Variants in CARD10 observed in about 807,000 individuals in gnomAD.
CARD10 encodes the protein caspase recruitment domain family member 10, also known as caspase recruitment domain-containing protein 10.
In CARD10, 49 loss-of-function variants were observed where a neutral mutation model predicts 114.6. The ratio of observed to expected loss-of-function variants is 0.43; its 90% confidence interval spans 0.34 to 0.54. The LOEUF is 0.54. Ranked by LOEUF, CARD10 falls within the 20% of genes least tolerant of loss-of-function variation. The pLI, the probability that CARD10 is intolerant of heterozygous loss-of-function variation, is 0.03. For missense variants in CARD10, 1,206 were observed against 1,397.2 expected (o/e 0.86, Z 2.18); for synonymous variants, 602 against 593.2 (o/e 1.01, Z -0.21).
chr22:37,491,157 C>G lies in CARD10; in HGVS notation c.*2G>C. 1 of 1,551,670 alleles carries G rather than the reference C, an allele frequency of 6.4e-7. No homozygotes were observed. The highest frequency in any genetic ancestry group is 8.7e-7 in the Non-Finnish European group (1 of 1,148,158). The stretch of plus-strand genomic sequence containing the variant: ...GGAGAAGGTGCAGGTATCAGATGAG[C>G]CTCAGGCCTCACTGCTGCTGGGGCA... On this transcript the variant is annotated 3_prime_UTR_variant, in exon 20 of 20. Transcript: ENST00000251973.
At chr22:37,512,610 G>A (rs2145774106) in intron 3 of CARD10, among the ~76,000 whole-genome samples, 1 of 151,696 alleles carries the variant, frequency 6.6e-6, no homozygotes, top group Non-Finnish European at 1.5e-5. Context: ...CATGACTCCC[G>A]CATTCCTTTC....
rs1194513636 is a variant in CARD10 at position 37,519,237 on chromosome 22, G to C, written c.-37C>G. 10 of 1,473,650 alleles carry C rather than the reference G, an allele frequency of 6.8e-6. No homozygotes were observed. The highest frequency in any genetic ancestry group is 2.2e-5 in the Admixed American group (1 of 45,814). The allele number at this position is 1,473,650 out of a possible 1,614,324, so 91.3% of individuals were successfully genotyped here. On this transcript the variant is annotated 5_prime_UTR_variant, in exon 1 of 20. Transcript: ENST00000251973. The surrounding 1 kb of genome is among the most constrained non-coding windows in gnomAD (Gnocchi z 4.1). ...CAGGGTCTGCGGGCAAGAGGCGCAC[G>C]GGGGTCGACCAGGGCTCCCTAGGGC...
Position 37,491,057 on chromosome 22 carries a change from A to G in CARD10, c.*102T>C. On this transcript the variant is annotated 3_prime_UTR_variant, in exon 20 of 20. Coordinates refer to ENST00000251973, the MANE Select transcript of CARD10 (RefSeq NM_014550.4). ...CAGAGCCAAGGGCCCTGCATCTGAG[A>G]GTCCAAGGGTCTAGGAAGGCTCAGG... The G allele has an allele frequency of 1.1e-6, 1 of 913,738 alleles. No homozygotes were observed. The highest frequency in any genetic ancestry group is 1.7e-6 in the Non-Finnish European group (1 of 601,620). 56.6% of individuals were successfully genotyped at this position (913,738 alleles called of 1,614,324 possible).
At chr22:37,511,541 A>G (rs569873589) in intron 3 of CARD10, among the ~76,000 whole-genome samples, 4 of 103,452 alleles carry the variant, frequency 3.9e-5, no homozygotes, top group Admixed American at 8.9e-5. Context: ...AAAGAAGGAG[A>G]AAAAAAAAAA....
chr22:37,505,637 C>CAA (rs1053786440), intron 7 of CARD10, among the ~76,000 whole-genome samples: 3,038 of 109,672 alleles, frequency 0.028, 48 homozygotes, highest in Non-Finnish European at 0.04. Context: ...GATTCTGTCT[C>CAA]AAAAAAAAAA....
Position 37,497,174 on chromosome 22 carries a change from G to A in CARD10, c.1792C>T (p.Leu598=), listed in dbSNP as rs781331195. 1 of 1,612,352 alleles carries A rather than the reference G, an allele frequency of 6.2e-7. No homozygotes were observed. The highest frequency in any genetic ancestry group is 1.1e-5 in the South Asian group (1 of 90,904). ...GCGLDFLNRS[L]AIRVSGRSPP... is the part of the protein sequence containing the mutation. ...CTCCGGCCAGACACCCGAATAGCCA[G>A]AGACCTGAGAAGGGAGAAAGGAGAT... The change falls in exon 12 of 20, where the codon CTG becomes TTG. Residue 598 remains leucine, a synonymous_variant. Transcript: ENST00000251973.
Position 37,519,035 on chromosome 22 carries a change from C to G in CARD10, c.166G>C (p.Val56Leu). 6.3e-7 allele frequency: 1 copy of G among 1,595,656 alleles called. No individual in the cohort carries two copies. Among genetic ancestry groups the G allele is most frequent in the Non-Finnish European group, 8.5e-7 (1 of 1,177,362 alleles). ...KLTPYLRQCRVIDEQDEEEVL... is the reference protein window; with the variant it reads ...KLTPYLRQCRLIDEQDEEEVL... ...TCCTCCTCGTCCTGCTCGTCGATGA[C>G]CCGGCACTGGCGCAGATACGGCGTG... is the stretch of plus-strand genomic sequence containing the variant. The change falls in exon 1 of 20, where the codon GTC becomes CTC. Residue 56 changes from valine to leucine, a missense_variant. Transcript: ENST00000251973. This position sits in a 1 kb window ranked among gnomAD's most constrained non-coding sequence, Gnocchi z 4.1.
At position 37,518,955 on chromosome 22, in the gene CARD10, C is replaced by T; in HGVS notation, c.235+11G>A. 2.0e-6 allele frequency: 3 copies of T among 1,519,024 alleles called. No homozygotes were observed. The highest frequency in any genetic ancestry group is 2.6e-6 in the Non-Finnish European group (3 of 1,133,428). 94.1% of individuals were successfully genotyped at this position (1,519,024 alleles called of 1,614,324 possible). A position where few individuals can be genotyped will look rare whatever the true frequency, so the allele number is the denominator to read the frequency against. On this transcript the variant is annotated intron_variant, in intron 1 of 19. Coordinates refer to ENST00000251973, the MANE Select transcript of CARD10 (RefSeq NM_014550.4). ...GCCCAGGTCGTGGCCCACTCGGGAC[C>T]CGCGGCTCACCGGTGCGGTTGACGC...
chr22:37,496,961 G>A lies in CARD10; in HGVS notation c.1947+58C>T, dbSNP rs1455750694. 1.3e-6 allele frequency: 2 copies of A among 1,516,280 alleles called. No individual in the cohort carries two copies. The highest frequency in any genetic ancestry group is 1.3e-5 in the South Asian group (1 of 76,070). The allele number at this position is 1,516,280 out of a possible 1,614,324, so 93.9% of individuals were successfully genotyped here. On this transcript the variant is annotated intron_variant, in intron 12 of 19. Coordinates refer to ENST00000251973, the MANE Select transcript of CARD10 (RefSeq NM_014550.4). The surrounding 1 kb of genome is among the most constrained non-coding windows in gnomAD (Gnocchi z 4.1). Reference sequence around the variant, plus strand: ...ATCTTGATCCACCAAATTAAGGGATGTCCAGCCTGGGCAAAAGCACTGACC... The same window carrying A: ...ATCTTGATCCACCAAATTAAGGGATATCCAGCCTGGGCAAAAGCACTGACC...
At position 37,504,305 on chromosome 22, in the gene CARD10, C is replaced by A. The variant is rs1273083128; in HGVS notation, c.1519-4G>T. 1.3e-6 allele frequency: 2 copies of A among 1,518,506 alleles called. No individual in the cohort carries two copies. The highest frequency in any genetic ancestry group is 2.5e-5 in the South Asian group (2 of 79,280). The allele number at this position is 1,518,506 out of a possible 1,614,324, so 94.1% of individuals were successfully genotyped here. A position where few individuals can be genotyped will look rare whatever the true frequency, so the allele number is the denominator to read the frequency against. ...TTTCACTGTCTGTGGCTTCCTCCTG[C>A]AATGCCATGACAGGGCCTGGGTCAC... On this transcript the variant is annotated splice_polypyrimidine_tract_variant and splice_region_variant and intron_variant, in intron 8 of 19. Transcript: ENST00000251973.
intron 1 of CARD10, 51 bp downstream of exon 1, chr22:37,518,915 C>T: frequency 6.8e-7 from 1 of 1,474,784 alleles, no homozygotes; most frequent in East Asian, 2.6e-5. Flanking sequence ...GGCGCTGCGC[C>T]CCAGGGCACG....
At chr22:37,511,270 T>C (rs533529910) in intron 3 of CARD10, among the ~76,000 whole-genome samples, 31 of 141,390 alleles carry the variant, frequency 2.2e-4, no homozygotes, top group African/African-American at 8.0e-4. Context: ...AGCGGGAGAA[T>C]CACTTGAGCT....
chr22:37,503,993 T>C (rs374814110), intron 9 of CARD10, 193 bp downstream of exon 9: 1 of 711,832 alleles, frequency 1.4e-6, no homozygotes, highest in Non-Finnish European at 2.6e-6. Context: ...CCCATCGGCC[T>C]TATCTTAAGC....
In CARD10 at chr22:37,502,823, T is replaced by G. The variant is rs112102687; in HGVS notation, c.1664-98A>C. ...GACCCCCCTCCAGCCCAGAGAGGCC[T>G]TGGCAGGTTTGAGGCCCCAGGAGCA... On this transcript the variant is annotated intron_variant, in intron 10 of 19. Transcript: ENST00000251973. 1.7e-5 allele frequency: 25 copies of G among 1,429,962 alleles called. No individual in the cohort carries two copies. The African/African-American group carries it at 2.6e-4, about 15-fold the overall frequency. The allele number at this position is 1,429,962 out of a possible 1,614,324, so 88.6% of individuals were successfully genotyped here. A position where few individuals can be genotyped will look rare whatever the true frequency, so the allele number is the denominator to read the frequency against.
chr22:37,503,875 G>A (rs1351214344), intron 9 of CARD10, among the ~76,000 whole-genome samples: 5 of 152,084 alleles, frequency 3.3e-5, no homozygotes, highest in East Asian at 3.9e-4. Flanking sequence ...CATTCTCCAC[G>A]CCCCCTAGTC....
chr22:37,504,793 G>A lies in CARD10; in HGVS notation c.1384-24C>T. 2.7e-6 allele frequency: 4 copies of A among 1,476,360 alleles called. No homozygotes were observed. In the South Asian group the frequency reaches 5.7e-5, roughly 21 times the overall value. 91.5% of individuals were successfully genotyped at this position (1,476,360 alleles called of 1,614,324 possible). The stretch of plus-strand genomic sequence containing the variant: ...GCCTGGAAGAGGGAGAGGAGAGGAA[G>A]GAGGTGAGCAGTGCTAGGCCCACGT... On this transcript the variant is annotated intron_variant, in intron 7 of 19. Coordinates refer to ENST00000251973, the MANE Select transcript of CARD10 (RefSeq NM_014550.4).
chr22:37,501,722 G>T lies in CARD10; in HGVS notation c.1787+880C>A, dbSNP rs1169941142. 1.3e-5 allele frequency among the ~76,000 whole-genome samples: 2 copies of T among 152,208 alleles called. No individual in the cohort carries two copies. The highest frequency in any genetic ancestry group is 4.8e-5 in the African/African-American group (2 of 41,454). On this transcript the variant is annotated intron_variant, in intron 11 of 19. Coordinates refer to ENST00000251973, the MANE Select transcript of CARD10 (RefSeq NM_014550.4). The surrounding 1 kb of genome is among the most constrained non-coding windows in gnomAD (Gnocchi z 5.4). The stretch of plus-strand genomic sequence containing the variant: ...AGTTGCTTAACCTCTCTGAGCCCCA[G>T]TTACCTCCTCTATGGAGCAGAGATA...
chr22:37,515,779 T>C (rs555669154), intron 3 of CARD10, among the ~76,000 whole-genome samples, 194 bp downstream of exon 3: 48 of 152,086 alleles, frequency 3.2e-4, no homozygotes, highest in Non-Finnish European at 5.6e-4. Context: ...TGGCCAGATG[T>C]TTCTAGGGGG....
chr22:37,499,906 T>C (rs1427280985), intron 11 of CARD10, among the ~76,000 whole-genome samples: 1 of 151,994 alleles, frequency 6.6e-6, no homozygotes, highest in Non-Finnish European at 1.5e-5. Context: ...TGGCTGCCTG[T>C]GTGGTACTAG....
Sources: allele counts gnomAD v4.1 joint callset (sites outside exome capture counted in the v4.1 genomes callset), GRCh38; gene constraint gnomAD v4.1.1; non-coding constraint Gnocchi (gnomAD v3.1); transcripts MANE v1.5; gene names NCBI Gene and HGNC (gene_info 2026-07-23, HGNC 2026-07-21).